Variants in KIF18B observed in about 807,000 individuals in gnomAD.
KIF18B encodes the protein kinesin family member 18B.
A neutral mutation model predicts 80.9 loss-of-function variants in KIF18B; 49 were observed. The ratio of observed to expected loss-of-function variants is 0.61; its 90% confidence interval spans 0.48 to 0.77. The LOEUF (loss-of-function observed/expected upper bound fraction) is 0.77, where lower values mean the gene tolerates loss of function less well. Among genes scored for constraint, KIF18B ranks in the 30% least tolerant of loss-of-function variants. The pLI is 0.00. For missense variants in KIF18B, 994 were observed against 1,127.7 expected, an observed-to-expected ratio of 0.88 and a Z score of 1.70; for synonymous variants, 439 against 463.9, an observed-to-expected ratio of 0.95 and a Z score of 0.69.
rs2051996780 is a variant in KIF18B at position 44,925,044 on chromosome 17, C to G, written c.*1036G>C. ...GAGCCAAGCCGCGACTCCCCGCTCC[C>G]CAACCCATCCTCATTCCTCCTCTAC... is the stretch of plus-strand genomic sequence containing the variant. On this transcript the variant is annotated 3_prime_UTR_variant, in exon 16 of 16. Transcript: ENST00000593135. 6.6e-6 allele frequency: 1 copy of G among 152,164 alleles called. No homozygotes were observed. The highest frequency in any genetic ancestry group is 1.5e-5 in the Non-Finnish European group (1 of 68,038). 9.4% of individuals were successfully genotyped at this position (152,164 alleles called of 1,614,324 possible).
intron 7 of KIF18B, among the ~76,000 whole-genome samples, 173 bp downstream of exon 7, chr17:44,933,750 C>T (rs552634181): frequency 2.0e-5 from 3 of 152,236 alleles, no homozygotes; most frequent in Middle Eastern, 6.8e-3. Context: ...ACCTTGGTCT[C>T]CCAAAGTGCT....
Position 44,934,973 on chromosome 17 carries a change from G to T in KIF18B, c.472-38C>A. 1 of 1,393,990 alleles carries T rather than the reference G, an allele frequency of 7.2e-7. No homozygotes were observed. The allele number at this position is 1,393,990 out of a possible 1,614,324, so 86.4% of individuals were successfully genotyped here. On this transcript the variant is annotated intron_variant, in intron 3 of 15. Coordinates refer to ENST00000593135, the MANE Select transcript of KIF18B (RefSeq NM_001265577.2). This position sits in a 1 kb window ranked among gnomAD's most constrained non-coding sequence, Gnocchi z 5.4. ...GAAAGGAAGAGGCCTGAGGGAGAGC[G>T]GCCCATCAGGAAACCTCTCCCTAGC...
At chr17:44,932,231 G>T in intron 9 of KIF18B, 25 bp from the exon 10 acceptor site, 1 of 1,568,226 alleles carries the variant, frequency 6.4e-7, no homozygotes, top group South Asian at 1.2e-5. Context: ...TGGCAAGGGG[G>T]AGCTGGGAAG....
At chr17:44,938,637 A>G (rs2052355492) in intron 1 of KIF18B, among the ~76,000 whole-genome samples, 1 of 152,132 alleles carries the variant, frequency 6.6e-6, no homozygotes. Context: ...AAGTTTCTAA[A>G]TATCTTTTCT....
chr17:44,938,898 G>A (rs2052361629), intron 1 of KIF18B, among the ~76,000 whole-genome samples: 1 of 151,910 alleles, frequency 6.6e-6, no homozygotes, highest in African/African-American at 2.4e-5. Context: ...TACAAAATTA[G>A]GCGGGTGTGG....
intron 14 of KIF18B, among the ~76,000 whole-genome samples, chr17:44,926,720 C>A (rs2052034446): frequency 6.6e-6 from 1 of 152,110 alleles, no homozygotes; most frequent in Admixed American, 6.5e-5. Context: ...AGTCCCTTTG[C>A]TGGATTAATG....
intron 1 of KIF18B, among the ~76,000 whole-genome samples, chr17:44,944,233 T>C (rs1350647489): frequency 6.6e-6 from 1 of 151,688 alleles, no homozygotes; most frequent in Non-Finnish European, 1.5e-5. Flanking sequence ...CAGATTGACT[T>C]GTAATTTTTT....
In KIF18B at chr17:44,926,071, T is replaced by G. The variant is rs762506197; in HGVS notation, c.*9A>C. The G allele has an allele frequency of 3.7e-6, 6 of 1,613,652 alleles. No homozygotes were observed. Among genetic ancestry groups the G allele is most frequent in the Non-Finnish European group, 5.1e-6 (6 of 1,179,808 alleles). On this transcript the variant is annotated 3_prime_UTR_variant, in exon 16 of 16. Coordinates refer to ENST00000593135, the MANE Select transcript of KIF18B (RefSeq NM_001265577.2). Reference sequence around the variant, plus strand: ...TTAGGACACCTTGGTGGTCAGGACATTCTGGCGGTCAGGACACCTTGGTGA... The same window carrying G: ...TTAGGACACCTTGGTGGTCAGGACAGTCTGGCGGTCAGGACACCTTGGTGA...
chr17:44,931,696 G>T lies in KIF18B; in HGVS notation c.1423C>A (p.His475Asn), dbSNP rs372311738. The change falls in exon 11 of 16, where the codon CAT becomes AAT. Residue 475 changes from histidine (H) to asparagine (N), a missense_variant. By Grantham distance (68) the His-to-Asn change is moderately conservative (BLOSUM62 1). Coordinates refer to ENST00000593135, the MANE Select transcript of KIF18B (RefSeq NM_001265577.2). The part of the protein sequence containing the change: ...PTQMPEQNPT[H>N]ALPESPRLTL... The stretch of plus-strand genomic sequence containing the variant: ...AGGCGAGGGGACTCTGGCAGTGCAT[G>T]TGTGGGGTTCTGCTCTGGCATCTGG... 2.4e-5 allele frequency: 38 copies of T among 1,614,008 alleles called. No individual in the cohort carries two copies. The Middle Eastern group carries it at 9.9e-4, about 42-fold the overall frequency.
Position 44,928,561 on chromosome 17 carries a change from G to A in KIF18B, c.1741C>T (p.Leu581Phe), listed in dbSNP as rs2052081200. The A allele has an allele frequency of 6.9e-7, 1 of 1,452,392 alleles. No homozygotes were observed. Among genetic ancestry groups the A allele is most frequent in the Non-Finnish European group, 9.0e-7 (1 of 1,109,694 alleles). 90.0% of individuals were successfully genotyped at this position (1,452,392 alleles called of 1,614,324 possible). Residue 581 changes from leucine to phenylalanine, a missense_variant, in exon 13 of 16, where the codon CTC (leucine) becomes TTC (phenylalanine). Leu to Phe is a conservative substitution (Grantham distance 22). Coordinates refer to ENST00000593135, the MANE Select transcript of KIF18B (RefSeq NM_001265577.2). ...GTGTATCCTGGAGGCTCTGGGCAGA[G>A]AGGAGACGGCACAGGGACTGCACAG... ...CSESIPVPSP[L>F]CPEPPGYTGP... is the part of the protein sequence containing the mutation.
chr17:44,928,226 G>T lies in KIF18B; in HGVS notation c.2076C>A (p.Ala692=), dbSNP rs373300269. 86 of 1,613,470 alleles carry T rather than the reference G, an allele frequency of 5.3e-5. No homozygotes were observed. The African/African-American group carries it at 1.1e-3, about 20-fold the overall frequency. Residue 692 remains alanine (A), a synonymous_variant, in exon 13 of 16, where the codon GCC becomes GCA. Transcript: ENST00000593135. ...SPCHSPRVCP[A]TVIKSRVPLG... The stretch of plus-strand genomic sequence containing the variant: ...GGGGCACCCGGCTTTTGATGACTGT[G>T]GCTGGGCAAACGCGAGGGGAATGGC...
In KIF18B at chr17:44,934,034, C is replaced by G; in HGVS notation, c.951G>C (p.Gly317=). Residue 317 remains glycine (G), a synonymous_variant, in exon 7 of 16, where the codon GGG becomes GGC. Coordinates refer to ENST00000593135, the MANE Select transcript of KIF18B (RefSeq NM_001265577.2). The surrounding 1 kb of genome is among the most constrained non-coding windows in gnomAD (Gnocchi z 5.4). ...CGATCATCACTGTGCGGCAGTTGCC[C>G]CCGAGGGAGTCTTTGAGCAGGCGGG... ...KLTRLLKDSL[G]GNCRTVMIAA... 1 of 1,612,214 alleles carries G rather than the reference C, an allele frequency of 6.2e-7. No homozygotes were observed. Among genetic ancestry groups the G allele is most frequent in the Non-Finnish European group, 8.5e-7 (1 of 1,179,332 alleles).
rs2052286163 is a variant in KIF18B at position 44,936,212 on chromosome 17, GC to G, written c.132del (p.Glu44AspfsTer9). ...TTCAGGCCAGGGAACCCTCCATCGG[GC>G]TCCTCAGGGTTAAACACCAGCACCC... ...DERVLVFNPE[E>X]PDGGFPGLKW... On this transcript the variant is annotated frameshift_variant, in exon 2 of 16. Transcript: ENST00000593135. LOFTEE classifies it high-confidence loss of function. 1 of 1,610,988 alleles carries G rather than the reference GC, an allele frequency of 6.2e-7. No individual in the cohort carries two copies. Among genetic ancestry groups the G allele is most frequent in the East Asian group, 2.2e-5 (1 of 44,820 alleles).
intron 3 of KIF18B, 105 bp from the exon 4 acceptor site, chr17:44,935,040 C>G (rs1244158680): frequency 1.1e-6 from 1 of 942,792 alleles, no homozygotes; most frequent in Non-Finnish European, 1.6e-6. Flanking sequence ...TCTGAGACAC[C>G]CACAGAAGTG....
In KIF18B at chr17:44,935,526, A is replaced by C. The variant is rs2052270603; in HGVS notation, c.314-110T>G. 21 of 1,115,570 alleles carry C rather than the reference A, an allele frequency of 1.9e-5. 1 individual carries two copies. In the South Asian group the frequency reaches 3.6e-4, roughly 19 times the overall value. 69.1% of individuals were successfully genotyped at this position (1,115,570 alleles called of 1,614,324 possible). ...TTCCTCCTGTGTTCCCTGGTCCATT[A>C]ATCCCACTAATCACACCCTCCATGT... On this transcript the variant is annotated intron_variant, in intron 2 of 15. Coordinates refer to ENST00000593135, the MANE Select transcript of KIF18B (RefSeq NM_001265577.2).
At chr17:44,931,872 A>C in intron 10 of KIF18B, 143 bp from the exon 11 acceptor site, 1 of 1,240,736 alleles carries the variant, frequency 8.1e-7, no homozygotes, top group Non-Finnish European at 1.1e-6. Context: ...CCAAACACAC[A>C]AGGATCTGAT....
rs769466649 is a variant in KIF18B at position 44,934,699 on chromosome 17, A to G, written c.577-82T>C. The G allele has an allele frequency of 5.3e-5, 69 of 1,313,954 alleles. No homozygotes were observed. The highest frequency in any genetic ancestry group is 2.8e-4 in the East Asian group (11 of 39,396). The allele number at this position is 1,313,954 out of a possible 1,614,324, so 81.4% of individuals were successfully genotyped here. A position where few individuals can be genotyped will look rare whatever the true frequency, so the allele number is the denominator to read the frequency against. ...CTAACAGGAAGGGCTGCTCTTCAGA[A>G]TCTACATCACCCCCTTGCTACCACC... On this transcript the variant is annotated intron_variant, in intron 4 of 15. Coordinates refer to ENST00000593135, the MANE Select transcript of KIF18B (RefSeq NM_001265577.2). This position sits in a 1 kb window ranked among gnomAD's most constrained non-coding sequence, Gnocchi z 5.4.
Position 44,932,146 on chromosome 17 carries a change from C to G in KIF18B, c.1299G>C (p.Gly433=). The change falls in exon 10 of 16, where the codon GGG becomes GGC. Residue 433 remains glycine (G), a synonymous_variant. Transcript: ENST00000593135. ...GPRALQEESL[G]MEAQVERAME... ...TGGCCCTCTCCACCTGGGCCTCCAT[C>G]CCCAGACTCTCCTCTTGAAGGGCTC... is the stretch of plus-strand genomic sequence containing the variant. 6.2e-7 allele frequency: 1 copy of G among 1,613,768 alleles called. No homozygotes were observed. Among genetic ancestry groups the G allele is most frequent in the East Asian group, 2.2e-5 (1 of 44,872 alleles).
chr17:44,935,198 C>A (rs754428658), intron 3 of KIF18B, 61 bp downstream of exon 3: 245 of 1,498,606 alleles, frequency 1.6e-4, no homozygotes, highest in Non-Finnish European at 2.0e-4. Context: ...TCACTCCACC[C>A]CATGGGCTCA....
Sources: allele counts gnomAD v4.1 joint callset (sites outside exome capture counted in the v4.1 genomes callset), GRCh38; gene constraint gnomAD v4.1.1; non-coding constraint Gnocchi (gnomAD v3.1); transcripts MANE v1.5; gene names NCBI Gene and HGNC (gene_info 2026-07-23, HGNC 2026-07-21).